Variants in LPAR1 observed in about 807,000 individuals in gnomAD.
The protein encoded by LPAR1 is lysophosphatidic acid receptor 1.
LPAR1 carries 5 observed loss-of-function variants against 23.8 expected under a neutral mutation model. The observed-to-expected ratio is 0.21, with a 90% CI of 0.11 to 0.44. The LOEUF (loss-of-function observed/expected upper bound fraction) is 0.44. LPAR1 is among the 20% of genes least tolerant of loss of function. The probability of loss-of-function intolerance (pLI) is 0.99; values close to 1 mark genes in which losing one functional copy is unlikely to be tolerated. For synonymous variants in LPAR1, 160 were observed against 164.7 expected, an observed-to-expected ratio of 0.97 and a Z score of 0.22; for missense variants, 311 against 482.8, an observed-to-expected ratio of 0.64 and a Z score of 3.33.
rs1423360895 is a variant in LPAR1 at position 110,876,593 on chromosome 9, TTC to T, written c.794-873_794-872del. Reference sequence around the variant, plus strand: ...CTGGAAAGCAGAAAAATCCCAGAGTTTCTGTTCTTAGAGGCTGCCTCCAGAGT... The same window carrying T: ...CTGGAAAGCAGAAAAATCCCAGAGTTTGTTCTTAGAGGCTGCCTCCAGAGT... On this transcript the variant is annotated intron_variant, in intron 5 of 5. Transcript: ENST00000683809. Among the ~76,000 whole-genome samples the T allele has an allele frequency of 3.3e-5, 5 of 152,352 alleles. No homozygotes were observed. In the East Asian group the frequency reaches 9.6e-4, roughly 29 times the overall value.
rs1039725235 is a variant in LPAR1 at position 110,927,300 on chromosome 9, A to T, written c.793+14121T>A. 2.0e-5 allele frequency among the ~76,000 whole-genome samples: 3 copies of T among 151,826 alleles called. No homozygotes were observed. The East Asian group carries it at 5.8e-4, about 29-fold the overall frequency. ...AGCTGCGAAAACATTCATAACTTACATTTGTGTGGCACTTCCTATAAAAAG... is the reference window on the plus strand; with the variant it reads ...AGCTGCGAAAACATTCATAACTTACTTTTGTGTGGCACTTCCTATAAAAAG... On this transcript the variant is annotated intron_variant, in intron 5 of 5. Coordinates refer to ENST00000683809, the MANE Select transcript of LPAR1 (RefSeq NM_001351411.2).
intron 5 of LPAR1, among the ~76,000 whole-genome samples, chr9:110,898,207 G>C (rs1481209603): frequency 1.3e-5 from 2 of 152,054 alleles, no homozygotes; most frequent in Non-Finnish European, 2.9e-5. Flanking sequence ...CAATATTTCT[G>C]GACCAAGTTA....
At chr9:110,989,192 G>C (rs1255286566) in intron 2 of LPAR1, among the ~76,000 whole-genome samples, 2 of 152,108 alleles carry the variant, frequency 1.3e-5, no homozygotes, top group African/African-American at 4.8e-5. Context: ...CATTTTCTGA[G>C]CTTGATTGGA....
intron 2 of LPAR1, among the ~76,000 whole-genome samples, chr9:111,017,752 T>G (rs570327416): frequency 1.2e-4 from 19 of 152,358 alleles, no homozygotes; most frequent in Non-Finnish European, 2.6e-4. Flanking sequence ...CTGGGCGCAG[T>G]GGCTCACGCC....
chr9:111,018,030 A>G (rs1588884844), intron 2 of LPAR1, among the ~76,000 whole-genome samples: 2 of 152,122 alleles, frequency 1.3e-5, no homozygotes, highest in East Asian at 3.9e-4. Flanking sequence ...AAAAAACAAA[A>G]CAAACAAACA....
intron 2 of LPAR1, among the ~76,000 whole-genome samples, chr9:111,011,618 A>C (rs2097333257): frequency 6.6e-6 from 1 of 152,100 alleles, no homozygotes; most frequent in African/African-American, 2.4e-5. Context: ...TATTTTGCAG[A>C]TCCTTTAAAA....
chr9:111,009,989 A>C (rs920232385), intron 2 of LPAR1, among the ~76,000 whole-genome samples: 4 of 140,660 alleles, frequency 2.8e-5, no homozygotes, highest in African/African-American at 1.1e-4. Context: ...CTCATTTCAT[A>C]ATTAGGAAAA....
At chr9:110,951,075 T>G (rs1424943427) in intron 4 of LPAR1, among the ~76,000 whole-genome samples, 3 of 152,168 alleles carry the variant, frequency 2.0e-5, no homozygotes, top group Non-Finnish European at 2.9e-5. Context: ...TAACTTGATA[T>G]GAGAGATATG....
chr9:111,016,307 A>G (rs2097444337), intron 2 of LPAR1, among the ~76,000 whole-genome samples: 1 of 152,228 alleles, frequency 6.6e-6, no homozygotes, highest in Non-Finnish European at 1.5e-5. Context: ...AAATACATGA[A>G]GTGCCAATGA....
In LPAR1 at chr9:111,028,176, G is replaced by A. The variant is rs542637245; in HGVS notation, c.-182+7946C>T. Reference sequence around the variant, plus strand: ...GGCAGAATCTCACTCTGTCACCCAGGCTGGAGTGCAGTGGCACAAACTCTG... The same window carrying A: ...GGCAGAATCTCACTCTGTCACCCAGACTGGAGTGCAGTGGCACAAACTCTG... On this transcript the variant is annotated intron_variant, in intron 2 of 5. Transcript: ENST00000683809. 2.2e-3 allele frequency among the ~76,000 whole-genome samples: 332 copies of A among 151,614 alleles called. 4 individuals carry two copies. The highest frequency in any genetic ancestry group is 0.017 in the Middle Eastern group (5 of 294).
intron 5 of LPAR1, among the ~76,000 whole-genome samples, chr9:110,928,699 T>C (rs1477625797): frequency 1.3e-5 from 2 of 152,126 alleles, no homozygotes; most frequent in Non-Finnish European, 1.5e-5. Flanking sequence ...CTCCTCAATT[T>C]ATAGCTTGGC....
At chr9:110,940,033 T>C (rs1209926720) in intron 5 of LPAR1, among the ~76,000 whole-genome samples, 3 of 152,234 alleles carry the variant, frequency 2.0e-5, no homozygotes, top group South Asian at 2.1e-4. Flanking sequence ...GTCCTGTTAA[T>C]AAACATACAG....
intron 5 of LPAR1, among the ~76,000 whole-genome samples, chr9:110,926,147 C>G (rs2094012223): frequency 6.6e-6 from 1 of 152,158 alleles, no homozygotes; most frequent in Non-Finnish European, 1.5e-5. Flanking sequence ...GTCTCGATCT[C>G]CTGACCTCGT....
intron 4 of LPAR1, among the ~76,000 whole-genome samples, chr9:110,970,695 C>T (rs2096389710): frequency 1.3e-5 from 2 of 152,130 alleles, no homozygotes; most frequent in Non-Finnish European, 2.9e-5. Context: ...CTCCTTCTCT[C>T]ACAAACACAC....
At chr9:110,882,127 C>T (rs2081043429) in intron 5 of LPAR1, among the ~76,000 whole-genome samples, 1 of 152,196 alleles carries the variant, frequency 6.6e-6, no homozygotes, top group Non-Finnish European at 1.5e-5. Flanking sequence ...CACATTCTCC[C>T]ATTTTATTAT....
At chr9:111,007,895 C>T (rs529083444) in intron 2 of LPAR1, among the ~76,000 whole-genome samples, 2 of 152,168 alleles carry the variant, frequency 1.3e-5, no homozygotes, top group South Asian at 2.1e-4. Flanking sequence ...TTTAAGATGC[C>T]GAGCGCGGTG....
At chr9:110,950,202 G>A (rs2095524965) in intron 4 of LPAR1, among the ~76,000 whole-genome samples, 2 of 152,116 alleles carry the variant, frequency 1.3e-5, no homozygotes, top group Non-Finnish European at 2.9e-5. Flanking sequence ...GTTGATGCCT[G>A]TAATCCCAGC....
intron 2 of LPAR1, among the ~76,000 whole-genome samples, chr9:111,012,465 G>A (rs113378924): frequency 7.6e-4 from 86 of 113,862 alleles, no homozygotes; most frequent in Non-Finnish European, 9.4e-4. Flanking sequence ...ATGTACGCAC[G>A]CGCGCACACA....
At chr9:110,930,442 G>C (rs1011821887) in intron 5 of LPAR1, among the ~76,000 whole-genome samples, 1 of 152,088 alleles carries the variant, frequency 6.6e-6, no homozygotes, top group Non-Finnish European at 1.5e-5. Flanking sequence ...CCAGGAGGCA[G>C]AGGTTGCAGT....
Sources: allele counts gnomAD v4.1 joint callset (sites outside exome capture counted in the v4.1 genomes callset), GRCh38; gene constraint gnomAD v4.1.1; transcripts MANE v1.5; gene names NCBI Gene and HGNC (gene_info 2026-07-23, HGNC 2026-07-21).